NUP42: variants seen among roughly 807,000 people sequenced by gnomAD.
NUP42 encodes nucleoporin 42, also known as nucleoporin NUP42.
NUP42 carries 47 observed loss-of-function variants against 35.9 expected under a neutral mutation model. That is an observed-to-expected ratio of 1.31 (90% CI 1.04 to 1.67). The LOEUF (loss-of-function observed/expected upper bound fraction) is 1.67, where lower values mean the gene tolerates loss of function less well. NUP42 is among the 40% of genes most tolerant of loss of function. NUP42 has a pLI of 0.00. For synonymous variants in NUP42, 173 were observed against 173.3 expected (o/e 1.00, Z 0.01); for missense variants, 514 against 492.2 (o/e 1.04, Z -0.42).
At chr7:23,192,872 G>GTCACATAT (rs1264500956) in intron 3 of NUP42, among the ~76,000 whole-genome samples, 1 of 152,194 alleles carries the variant, frequency 6.6e-6, no homozygotes, top group Non-Finnish European at 1.5e-5. Context: ...GGAATTGGTG[G>GTCACATAT]GTTCTTGGTC....
chr7:23,193,074 C>G (rs544282045), intron 3 of NUP42, among the ~76,000 whole-genome samples: 1 of 149,394 alleles, frequency 6.7e-6, no homozygotes, highest in Non-Finnish European at 1.5e-5. Flanking sequence ...GCTCTTAAGG[C>G]GGCCCGTCTG....
chr7:23,185,579 TA>T (rs1171021906), intron 2 of NUP42, among the ~76,000 whole-genome samples: 5 of 152,172 alleles, frequency 3.3e-5, no homozygotes, highest in Non-Finnish European at 5.9e-5. Flanking sequence ...TTCCTAGGGG[TA>T]ATTACGCTTT....
At chr7:23,187,027 CTT>C (rs367957893) in intron 2 of NUP42, 23 bp from the exon 3 acceptor site, 1,660 of 1,153,356 alleles carry the variant, frequency 1.4e-3, no homozygotes, top group South Asian at 2.5e-3. Flanking sequence ...ATCCTTTACT[CTT>C]TTTTTTTTTT....
At chr7:23,182,857 T>C (rs566066943) in intron 1 of NUP42, among the ~76,000 whole-genome samples, 1 of 137,224 alleles carries the variant, frequency 7.3e-6, no homozygotes, top group South Asian at 2.3e-4. Flanking sequence ...GAGGTTGCAG[T>C]GGGCCGAGAT....
intron 5 of NUP42, 82 bp downstream of exon 5, chr7:23,196,848 G>A: frequency 1.0e-6 from 1 of 955,354 alleles, no homozygotes; most frequent in Non-Finnish European, 1.6e-6. Context: ...GATTTGGAAA[G>A]CAAAACAAAA....
intron 3 of NUP42, 84 bp downstream of exon 3, chr7:23,187,230 A>C: frequency 1.1e-6 from 1 of 893,238 alleles, no homozygotes. Context: ...AAAGAAATCA[A>C]CTACCAACTT....
At chr7:23,185,475 TC>T (rs893041545) in intron 2 of NUP42, among the ~76,000 whole-genome samples, 177 bp downstream of exon 2, 1 of 152,208 alleles carries the variant, frequency 6.6e-6, no homozygotes, top group African/African-American at 2.4e-5. Context: ...CACCCACAAT[TC>T]TATCACTCAT....
intron 5 of NUP42, among the ~76,000 whole-genome samples, chr7:23,197,686 G>T (rs551024734): frequency 1.3e-5 from 2 of 152,174 alleles, no homozygotes; most frequent in African/African-American, 4.8e-5. Context: ...CCCTTCCATA[G>T]GTTAGAATGT....
chr7:23,185,240 T>A lies in NUP42; in HGVS notation c.292T>A (p.Ser98Thr), dbSNP rs368786089. 3.5e-5 allele frequency: 57 copies of A among 1,614,054 alleles called. No homozygotes were observed. Among genetic ancestry groups the A allele is most frequent in the Non-Finnish European group, 4.8e-5 (57 of 1,180,036 alleles). Reference sequence around the variant, plus strand: ...TAACAGGAAGGAAGGCTTTGGATTGTCTGAGAACCCATTTGCTTCACTTAG... The same window carrying A: ...TAACAGGAAGGAAGGCTTTGGATTGACTGAGAACCCATTTGCTTCACTTAG... Reference protein sequence around the residue: ...STNRKEGFGLSENPFASLSPD... With the variant: ...STNRKEGFGLTENPFASLSPD... Residue 98 changes from serine (S) to threonine (T), a missense_variant, in exon 2 of 7, where the codon TCT becomes ACT. By Grantham distance (58) the Ser-to-Thr change is moderately conservative (BLOSUM62 1). Transcript: ENST00000258742.
At chr7:23,197,472 T>A (rs1786053077) in intron 5 of NUP42, among the ~76,000 whole-genome samples, 1 of 152,246 alleles carries the variant, frequency 6.6e-6, no homozygotes, top group African/African-American at 2.4e-5. Flanking sequence ...TAGACTCTTG[T>A]GCAAGCTAAT....
At position 23,182,875 on chromosome 7, in the gene NUP42, C is replaced by T. The variant is rs991721834; in HGVS notation, c.121+669C>T. On this transcript the variant is annotated intron_variant, in intron 1 of 6. Transcript: ENST00000258742. ...GTTGCAGTGGGCCGAGATCGTGCCA[C>T]TGCACTCCAGCCTGGGCGACAGAGC... 2.5e-4 allele frequency among the ~76,000 whole-genome samples: 37 copies of T among 148,402 alleles called. 1 individual carries two copies. Among genetic ancestry groups the T allele is most frequent in the Admixed American group, 9.4e-4 (14 of 14,910 alleles).
In NUP42 at chr7:23,200,415, T is replaced by G. The variant is rs1786175793; in HGVS notation, c.942T>G (p.Pro314=). ...CTGCAGCTTCCAGTTTTGGATCACCTGGATTTTCAGGACTTCCAGCTTCCT... is the reference window on the plus strand; with the variant it reads ...CTGCAGCTTCCAGTTTTGGATCACCGGGATTTTCAGGACTTCCAGCTTCCT... The part of the protein sequence containing the change: ...KSPAASSFGS[P]GFSGLPASLA... The change falls in exon 7 of 7, where the codon CCT becomes CCG. Residue 314 remains proline, a synonymous_variant. Transcript: ENST00000258742. 1 of 1,614,220 alleles carries G rather than the reference T, an allele frequency of 6.2e-7. No homozygotes were observed. The highest frequency in any genetic ancestry group is 8.5e-7 in the Non-Finnish European group (1 of 1,180,032).
At chr7:23,185,013 A>C in intron 1 of NUP42, 57 bp from the exon 2 acceptor site, 1 of 1,439,682 alleles carries the variant, frequency 6.9e-7, no homozygotes, top group Non-Finnish European at 9.5e-7. Flanking sequence ...CTCAATTAAA[A>C]AGAAAATAGA....
At position 23,195,961 on chromosome 7, in the gene NUP42, T is replaced by C. The variant is rs117721428; in HGVS notation, c.522+46T>C. 1.7e-4 allele frequency: 197 copies of C among 1,161,246 alleles called. No homozygotes were observed. In the East Asian group the frequency reaches 4.7e-3, roughly 28 times the overall value. 71.9% of individuals were successfully genotyped at this position (1,161,246 alleles called of 1,614,324 possible). A position where few individuals can be genotyped will look rare whatever the true frequency, so the allele number is the denominator to read the frequency against. ...TCTACTGCAATAACAGATGAGCTCT[T>C]AATTACTGCTTTCTTTATCGTGGCT... On this transcript the variant is annotated intron_variant, in intron 4 of 6. Transcript: ENST00000258742.
At chr7:23,200,026 C>T (rs1786154531) in intron 6 of NUP42, 142 bp from the exon 7 acceptor site, 2 of 640,194 alleles carry the variant, frequency 3.1e-6, no homozygotes, top group Admixed American at 3.2e-5. Context: ...TTTTACTTTC[C>T]TCATCTCGTC....
At chr7:23,192,021 T>A in intron 3 of NUP42, among the ~76,000 whole-genome samples, 1 of 152,286 alleles carries the variant, frequency 6.6e-6, no homozygotes, top group Non-Finnish European at 1.5e-5. Context: ...AATATATAAA[T>A]AAAATAAAAA....
At chr7:23,199,658 C>A in intron 6 of NUP42, 116 bp downstream of exon 6, 1 of 847,678 alleles carries the variant, frequency 1.2e-6, no homozygotes, top group Non-Finnish European at 1.9e-6. Flanking sequence ...TACAACCTTC[C>A]ATCATAGAGC....
rs1785992698 is a variant in NUP42 at position 23,195,829 on chromosome 7, C to T, written c.446-10C>T. Reference sequence around the variant, plus strand: ...TTATTTTAAAGATTCCGATTGATTCCTCACTTCAGGTTTTACAGACATTTC... The same window carrying T: ...TTATTTTAAAGATTCCGATTGATTCTTCACTTCAGGTTTTACAGACATTTC... On this transcript the variant is annotated splice_polypyrimidine_tract_variant and intron_variant, in intron 3 of 6. Coordinates refer to ENST00000258742, the MANE Select transcript of NUP42 (RefSeq NM_007342.3). The T allele has an allele frequency of 6.4e-7, 1 of 1,572,800 alleles. No individual in the cohort carries two copies. Among genetic ancestry groups the T allele is most frequent in the African/African-American group, 1.4e-5 (1 of 73,380 alleles).
At position 23,185,128 on chromosome 7, in the gene NUP42, A is replaced by C. The variant is rs139056954; in HGVS notation, c.180A>C (p.Pro60=). Reference sequence around the variant, plus strand: ...AGAGATATTCCAATGTCATCCAGCCATCCAGTTTCTCCAAATCCACACCAT... The same window carrying C: ...AGAGATATTCCAATGTCATCCAGCCCTCCAGTTTCTCCAAATCCACACCAT... ...TSQRYSNVIQ[P]SSFSKSTPWG... Residue 60 remains proline (P), a synonymous_variant, in exon 2 of 7, where the codon CCA becomes CCC. Transcript: ENST00000258742. The C allele has an allele frequency of 6.2e-7, 1 of 1,614,114 alleles. No individual in the cohort carries two copies. The highest frequency in any genetic ancestry group is 1.7e-5 in the Admixed American group (1 of 60,008).
Sources: allele counts gnomAD v4.1 joint callset (sites outside exome capture counted in the v4.1 genomes callset), GRCh38; gene constraint gnomAD v4.1.1; transcripts MANE v1.5; gene names NCBI Gene and HGNC (gene_info 2026-07-23, HGNC 2026-07-21).